PIK3CD: variants seen among roughly 807,000 people sequenced by gnomAD.
PIK3CD encodes phosphatidylinositol-4,5-bisphosphate 3-kinase catalytic subunit delta, also known as phosphatidylinositol 4,5-bisphosphate 3-kinase catalytic subunit delta isoform.
PIK3CD carries 20 observed loss-of-function variants against 122.9 expected under a neutral mutation model. That is an observed-to-expected ratio of 0.16 (90% CI 0.11 to 0.24). The LOEUF (loss-of-function observed/expected upper bound fraction) is 0.24. PIK3CD is among the 10% of genes least tolerant of loss of function. The pLI is 1.00. For synonymous variants in PIK3CD, 596 were observed against 593.4 expected, an observed-to-expected ratio of 1.00 and a Z score of -0.06; for missense variants, 787 against 1,406.3, an observed-to-expected ratio of 0.56 and a Z score of 7.04.
upstream of PIK3CD, among the ~76,000 whole-genome samples, chr1:9,646,944 CAA>C (rs564896067): frequency 2.2e-4 from 25 of 114,524 alleles, no homozygotes; most frequent in Admixed American, 1.9e-4. Context: ...GACTCCATCT[CAA>C]AAAAAAAAAA....
At chr1:9,636,999 A>G in the PIK3CD span, among the ~76,000 whole-genome samples, 5 of 150,984 alleles carry the variant, frequency 3.3e-5, no homozygotes, top group Admixed American at 3.3e-4. Context: ...CCAGGTTCAC[A>G]CCATTCTCCT....
rs986400921 is a variant in PIK3CD, at chr1:9,717,425, G to A, written c.931-112G>A. 10 of 1,092,444 alleles carry A rather than the reference G, an allele frequency of 9.2e-6. No homozygotes were observed. The highest frequency in any genetic ancestry group is 6.3e-5 in the South Asian group (5 of 79,706). The allele number at this position is 1,092,444 out of a possible 1,614,324, so 67.7% of individuals were successfully genotyped here. On this transcript the variant is annotated intron_variant, in intron 7 of 23. Coordinates refer to ENST00000377346, the MANE Select transcript of PIK3CD (RefSeq NM_005026.5). The surrounding 1 kb of genome is among the most constrained non-coding windows in gnomAD (Gnocchi z 5.4). ...ATTGTGGACAGGCCCAAACCTGGCC[G>A]CAAACCTGTGACCCTCTCACCCGCC...
chr1:9,721,331 G>T, intron 14 of PIK3CD, 83 bp downstream of exon 14: 1 of 1,609,854 alleles, frequency 6.2e-7, no homozygotes. Flanking sequence ...GGTGGGGCCT[G>T]AACCTTCCCG....
intron 1 of PIK3CD, chr1:9,662,504 C>T (rs1380799355): frequency 6.5e-6 from 1 of 153,182 alleles, no homozygotes; most frequent in East Asian, 1.9e-4. Context: ...TGAACTTAGG[C>T]TTCTGCCTCA....
At chr1:9,672,169 C>T (rs544168786) in intron 1 of PIK3CD, among the ~76,000 whole-genome samples, 6 of 152,316 alleles carry the variant, frequency 3.9e-5, no homozygotes, top group Non-Finnish European at 7.4e-5. Flanking sequence ...TGCGACCTCG[C>T]TTTGAAGCTT....
At chr1:9,688,977 A>G (rs957911911) in intron 1 of PIK3CD, among the ~76,000 whole-genome samples, 4 of 152,124 alleles carry the variant, frequency 2.6e-5, no homozygotes, top group African/African-American at 9.7e-5. Flanking sequence ...TAAATCTCAC[A>G]TATAAGGGAA....
upstream of PIK3CD, among the ~76,000 whole-genome samples, chr1:9,648,542 G>C (rs147944762): frequency 9.2e-5 from 14 of 152,206 alleles, no homozygotes; most frequent in African/African-American, 3.4e-4. Context: ...CTGCTCACTC[G>C]GCCGTCAGAG....
At chr1:9,698,964 G>A (rs1202878908) in intron 2 of PIK3CD, among the ~76,000 whole-genome samples, 10 of 152,108 alleles carry the variant, frequency 6.6e-5, no homozygotes, top group Non-Finnish European at 1.0e-4. Context: ...GATGCAGGAG[G>A]ATTACTTGAG....
In PIK3CD at chr1:9,708,628, A is replaced by G. The variant is rs183424247; in HGVS notation, c.-32-1796A>G. On this transcript the variant is annotated intron_variant, in intron 2 of 23. Transcript: ENST00000377346. The stretch of plus-strand genomic sequence containing the variant: ...TTTGGGAGCCCAAGGCAGGTGGATC[A>G]CTTGAGGTCAGGAGTTCGAGACCAA... 2.6e-3 allele frequency among the ~76,000 whole-genome samples: 399 copies of G among 152,038 alleles called. No individual in the cohort carries two copies. In the Middle Eastern group the frequency reaches 0.027, roughly 10 times the overall value.
At chr1:9,627,562 A>AGTG in the PIK3CD span, among the ~76,000 whole-genome samples, 23 of 152,340 alleles carry the variant, frequency 1.5e-4, no homozygotes, top group Non-Finnish European at 2.5e-4. Flanking sequence ...ATTAGGTGAC[A>AGTG]GTGGTGATGA....
In PIK3CD at chr1:9,689,735, C is replaced by T. The variant is rs1008698773; in HGVS notation, c.-137-1732C>T. On this transcript the variant is annotated intron_variant, in intron 1 of 23. Coordinates refer to ENST00000377346, the MANE Select transcript of PIK3CD (RefSeq NM_005026.5). The surrounding 1 kb of genome is among the most constrained non-coding windows in gnomAD (Gnocchi z 6.1). ...CAGCGACACCCGGTACGGAGCCCAC[C>T]TGTGCGGGCGTCTGCGGGGTCCCCG... Among the ~76,000 whole-genome samples, 2 of 151,730 alleles carry T rather than the reference C, an allele frequency of 1.3e-5. No individual in the cohort carries two copies. The highest frequency in any genetic ancestry group is 1.3e-4 in the Admixed American group (2 of 15,252).
chr1:9,722,533 C>T lies in PIK3CD; in HGVS notation c.2353C>T (p.Arg785Trp). 3.1e-6 allele frequency: 5 copies of T among 1,613,354 alleles called. No homozygotes were observed. The highest frequency in any genetic ancestry group is 4.2e-6 in the Non-Finnish European group (5 of 1,179,778). The change falls in exon 19 of 24, where the codon CGG becomes TGG. Residue 785 changes from arginine to tryptophan, a missense_variant. Transcript: ENST00000377346. The surrounding 1 kb of genome is among the most constrained non-coding windows in gnomAD (Gnocchi z 7.6). ...GIIFKNGDDL[R>W]QDMLTLQMIQ... Reference sequence around the variant, plus strand: ...CCCACCGGCCGGTGGCACAGACCTCCGGCAGGACATGCTGACCCTGCAGAT... The same window carrying T: ...CCCACCGGCCGGTGGCACAGACCTCTGGCAGGACATGCTGACCCTGCAGAT...
At chr1:9,655,114 T>C (rs1223951249) in intron 1 of PIK3CD, among the ~76,000 whole-genome samples, 1 of 151,598 alleles carries the variant, frequency 6.6e-6, no homozygotes, top group Non-Finnish European at 1.5e-5. Context: ...GAGGGTGGCT[T>C]CAGCTACTCC....
chr1:9,652,308 A>G lies in PIK3CD; in HGVS notation c.-138+506A>G, dbSNP rs921185791. Among the ~76,000 whole-genome samples, 1 of 151,888 alleles carries G rather than the reference A, an allele frequency of 6.6e-6. No homozygotes were observed. The highest frequency in any genetic ancestry group is 2.4e-5 in the African/African-American group (1 of 41,310). On this transcript the variant is annotated intron_variant, in intron 1 of 23. Coordinates refer to ENST00000377346, the MANE Select transcript of PIK3CD (RefSeq NM_005026.5). The surrounding 1 kb of genome is among the most constrained non-coding windows in gnomAD (Gnocchi z 6.2). ...GTCGCCCGAGTGCCCTGGCGCGGAG[A>G]GAGGGCTGCGCACAGTTCGCCGGCG... is the stretch of plus-strand genomic sequence containing the variant.
At chr1:9,634,364 G>A in the PIK3CD span, among the ~76,000 whole-genome samples, 1 of 152,066 alleles carries the variant, frequency 6.6e-6, no homozygotes, top group Non-Finnish European at 1.5e-5. Context: ...GTTTCACCAT[G>A]TTGGCTAGGC....
At chr1:9,629,338 C>T in the PIK3CD span, among the ~76,000 whole-genome samples, 1 of 152,006 alleles carries the variant, frequency 6.6e-6, no homozygotes, top group South Asian at 2.1e-4. Context: ...GTCCTCCCAG[C>T]TCACACATTC....
At chr1:9,672,833 C>G (rs78631014) in intron 1 of PIK3CD, 13,313 of 152,140 alleles carry the variant, frequency 0.088, 1,224 homozygotes, top group East Asian at 0.51. Flanking sequence ...CAAATGTAAA[C>G]ATTTTATTTT....
At position 9,717,582 on chromosome 1, in the gene PIK3CD, G is replaced by A. The variant is rs148703447; in HGVS notation, c.976G>A (p.Glu326Lys). The change falls in exon 8 of 24, where the codon GAG (glutamate) becomes AAG (lysine). Residue 326 changes from glutamate (E) to lysine (K), a missense_variant. Transcript: ENST00000377346. The surrounding 1 kb of genome is among the most constrained non-coding windows in gnomAD (Gnocchi z 5.4). ...LWSLEQPFRIELIQGSKVNAD... is the reference protein window; with the variant it reads ...LWSLEQPFRIKLIQGSKVNAD... ...GTCCCTGGAGCAGCCGTTCCGCATC[G>A]AGCTCATCCAGGGCAGCAAAGTGAA... is the stretch of plus-strand genomic sequence containing the variant. The A allele has an allele frequency of 9.9e-6, 16 of 1,613,988 alleles. No individual in the cohort carries two copies. Among genetic ancestry groups the A allele is most frequent in the African/African-American group, 2.7e-5 (2 of 74,946 alleles).
intron 1 of PIK3CD, among the ~76,000 whole-genome samples, chr1:9,662,134 C>T (rs1468087581): frequency 1.3e-5 from 2 of 152,140 alleles, no homozygotes; most frequent in Non-Finnish European, 2.9e-5. Flanking sequence ...CACTGCACTC[C>T]AACCTGGGCG....
Sources: gnomAD v4.1 joint callset for allele counts (sites outside exome capture counted in the v4.1 genomes callset) on GRCh38, gnomAD v4.1.1 for gene constraint, Gnocchi (gnomAD v3.1) non-coding constraint, MANE v1.5 for transcripts, NCBI Gene and HGNC (gene_info 2026-07-23, HGNC 2026-07-21) for gene names.